HERC2: variants seen among roughly 807,000 people sequenced by gnomAD.
HERC2 encodes the protein HECT and RLD domain containing E3 ubiquitin protein ligase 2, also known as E3 ubiquitin-protein ligase HERC2.
HERC2 carries 102 observed loss-of-function variants against 537.7 expected under a neutral mutation model. The ratio of observed to expected loss-of-function variants is 0.19; its 90% CI spans 0.16 to 0.22. HERC2 has a LOEUF of 0.22. HERC2 is among the 10% of genes least tolerant of loss of function. The pLI, the probability that HERC2 is intolerant of heterozygous loss-of-function variation, is 1.00. For synonymous variants in HERC2, 2,224 were observed against 2,466.2 expected (o/e 0.90, Z 2.91); for missense variants, 4,236 against 6,198.2 (o/e 0.68, Z 10.63).
chr15:28,130,093 C>A (rs549103407), intron 83 of HERC2, 70 bp downstream of exon 83: 1 of 1,576,038 alleles, frequency 6.3e-7, no homozygotes, highest in South Asian at 1.1e-5. Flanking sequence ...TTTAAGGCTG[C>A]GCATGTCCTT....
chr15:28,274,883 C>G, intron 6 of HERC2, 22 bp downstream of exon 6: 1 of 1,582,306 alleles, frequency 6.3e-7, no homozygotes, highest in Non-Finnish European at 8.7e-7. Flanking sequence ...AGCAGAACAA[C>G]GCGCCACACC....
intron 79 of HERC2, among the ~76,000 whole-genome samples, chr15:28,133,808 G>A (rs960770622): frequency 4.6e-5 from 7 of 152,154 alleles, no homozygotes; most frequent in South Asian, 2.1e-4. Context: ...TTTGCCAGCC[G>A]GTTTCTGGAT....
At position 28,275,008 on chromosome 15, in the gene HERC2, G is replaced by A; in HGVS notation, c.543-3C>T. The A allele has an allele frequency of 6.3e-7, 1 of 1,595,086 alleles. No individual in the cohort carries two copies. The highest frequency in any genetic ancestry group is 8.5e-7 in the Non-Finnish European group (1 of 1,171,312). ...CACCTTTGCCCGCAGGCCGGGAACT[G>A]CAGACGACACACACGGAACATACAA... On this transcript the variant is annotated splice_polypyrimidine_tract_variant and splice_region_variant and intron_variant, in intron 5 of 92. Coordinates refer to ENST00000261609, the MANE Select transcript of HERC2 (RefSeq NM_004667.6).
intron 65 of HERC2, among the ~76,000 whole-genome samples, chr15:28,170,656 T>C (rs1358501477): frequency 6.6e-6 from 1 of 152,180 alleles, no homozygotes; most frequent in Non-Finnish European, 1.5e-5. Flanking sequence ...AAAAACCTGA[T>C]GAATTAGACT....
chr15:28,160,132 A>G (rs531713743), intron 69 of HERC2, among the ~76,000 whole-genome samples: 1 of 152,324 alleles, frequency 6.6e-6, no homozygotes, highest in African/African-American at 2.4e-5. Flanking sequence ...GTGAGGTGTC[A>G]GTCTGCTCCT....
intron 16 of HERC2, among the ~76,000 whole-genome samples, chr15:28,258,644 G>A (rs1269643312): frequency 6.6e-6 from 1 of 152,058 alleles, no homozygotes; most frequent in Non-Finnish European, 1.5e-5. Context: ...AAAAAAGATA[G>A]GTCTAAATCA....
At chr15:28,191,841 G>GT in intron 53 of HERC2, 120 bp downstream of exon 53, 1 of 697,526 alleles carries the variant, frequency 1.4e-6, no homozygotes, top group Non-Finnish European at 2.4e-6. Context: ...AAAACATAAC[G>GT]TGAGTACTGA....
Position 28,168,508 on chromosome 15 carries a change from C to T in HERC2, c.10312G>A (p.Asp3438Asn), listed in dbSNP as rs763806394. ...ATGGGACTAGCCATCGCAGATGCGT[C>T]GGAAGGGGCCGCCGAGGAGAACGAG... ...CPSFSSAAPS[D>N]ASAMASPMNG... is the part of the protein sequence containing the mutation. The change falls in exon 67 of 93, where the codon GAC becomes AAC. Residue 3438 changes from aspartate (D) to asparagine (N), a missense_variant. Coordinates refer to ENST00000261609, the MANE Select transcript of HERC2 (RefSeq NM_004667.6). 6.8e-6 allele frequency: 11 copies of T among 1,614,208 alleles called. No homozygotes were observed. Among genetic ancestry groups the T allele is most frequent in the African/African-American group, 2.7e-5 (2 of 75,060 alleles).
At chr15:28,191,293 T>A in intron 53 of HERC2, 49 bp from the exon 54 acceptor site, 2 of 1,178,618 alleles carry the variant, frequency 1.7e-6, no homozygotes, top group Non-Finnish European at 2.5e-6. Flanking sequence ...AATTCAGCTA[T>A]ATTTTAGCTA....
At chr15:28,119,780 A>G (rs963182728) in intron 86 of HERC2, among the ~76,000 whole-genome samples, 2 of 152,144 alleles carry the variant, frequency 1.3e-5, no homozygotes, top group Non-Finnish European at 2.9e-5. Flanking sequence ...CCATTTACCC[A>G]GTTTGTTTTT....
intron 2 of HERC2, among the ~76,000 whole-genome samples, chr15:28,311,957 C>T (rs1265361832): frequency 1.5e-4 from 23 of 152,218 alleles, no homozygotes; most frequent in African/African-American, 5.5e-4. Flanking sequence ...AGAATAATTA[C>T]CACCACCTTT....
In HERC2 at chr15:28,195,931, C is replaced by T. The variant is rs192814684; in HGVS notation, c.8260+284G>A. On this transcript the variant is annotated intron_variant, in intron 52 of 92. Transcript: ENST00000261609. ...CTAACCAATTCCACATGCCATGCAA[C>T]TAAACACTTACTAGTTTCTTGAGAT... 1.6e-4 allele frequency among the ~76,000 whole-genome samples: 24 copies of T among 152,316 alleles called. 1 individual carries two copies. The highest frequency in any genetic ancestry group is 5.1e-4 in the African/African-American group (21 of 41,574).
intron 35 of HERC2, among the ~76,000 whole-genome samples, chr15:28,225,590 C>T (rs773945521): frequency 5.4e-5 from 8 of 147,422 alleles, no homozygotes; most frequent in African/African-American, 1.5e-4. Flanking sequence ...CCCAGCTACT[C>T]GGGAGGCTGA....
At chr15:28,146,462 G>A (rs1891747474) in intron 70 of HERC2, 118 bp from the exon 71 acceptor site, 3 of 695,998 alleles carry the variant, frequency 4.3e-6, no homozygotes, top group Middle Eastern at 2.6e-4. Flanking sequence ...AGAAAGAACT[G>A]GCCTCAAAGA....
At chr15:28,240,223 C>T (rs1425718652) in intron 23 of HERC2, among the ~76,000 whole-genome samples, 1 of 152,166 alleles carries the variant, frequency 6.6e-6, no homozygotes. Context: ...TGGAGACCAT[C>T]CTGGCTAACA....
chr15:28,295,837 T>C (rs1435692009), intron 3 of HERC2, among the ~76,000 whole-genome samples: 5 of 152,292 alleles, frequency 3.3e-5, no homozygotes, highest in Non-Finnish European at 4.4e-5. Flanking sequence ...CCCGCTGACA[T>C]AGTACTGTCT....
At chr15:28,167,274 T>C (rs1303097289) in intron 68 of HERC2, among the ~76,000 whole-genome samples, 1 of 152,214 alleles carries the variant, frequency 6.6e-6, no homozygotes, top group African/African-American at 2.4e-5. Flanking sequence ...TGAGTCCTAA[T>C]GGAGGCACTG....
At chr15:28,124,530 C>T (rs1179106904) in intron 84 of HERC2, among the ~76,000 whole-genome samples, 1 of 151,048 alleles carries the variant, frequency 6.6e-6, no homozygotes, top group African/African-American at 2.4e-5. Context: ...AGGTGATACA[C>T]ACTGTACACA....
chr15:28,277,061 G>A (rs922641722), intron 5 of HERC2, among the ~76,000 whole-genome samples: 4 of 151,914 alleles, frequency 2.6e-5, no homozygotes, highest in Non-Finnish European at 4.4e-5. Context: ...TGGGCATCAG[G>A]GTGAGACCCT....
Sources: allele counts gnomAD v4.1 joint callset (sites outside exome capture counted in the v4.1 genomes callset), GRCh38; gene constraint gnomAD v4.1.1; transcripts MANE v1.5; gene names NCBI Gene and HGNC (gene_info 2026-07-23, HGNC 2026-07-21).